CLOCK: variants seen among roughly 807,000 people sequenced by gnomAD.
The protein encoded by CLOCK is circadian locomoter output cycles protein kaput.
Under a neutral mutation model 118.4 loss-of-function variants are expected in CLOCK, and 43 were observed. The observed-to-expected ratio is 0.36, with a 90% CI of 0.28 to 0.47. CLOCK has a LOEUF of 0.47. Ranked by LOEUF, CLOCK falls within the 20% of genes least tolerant of loss-of-function variation. CLOCK has a pLI of 1.00. For missense variants in CLOCK, 846 were observed against 999.9 expected (o/e 0.85, Z 2.08); for synonymous variants, 326 against 339.2 (o/e 0.96, Z 0.43).
At chr4:55,485,927 T>C (rs1490473304) in intron 3 of CLOCK, among the ~76,000 whole-genome samples, 1 of 151,944 alleles carries the variant, frequency 6.6e-6, no homozygotes, top group Non-Finnish European at 1.5e-5. Context: ...AAAACAAAGT[T>C]CCCCAACTAT....
At chr4:55,494,865 T>A (rs1727954051) in intron 2 of CLOCK, among the ~76,000 whole-genome samples, 4 of 152,210 alleles carry the variant, frequency 2.6e-5, no homozygotes, top group Admixed American at 2.6e-4. Flanking sequence ...TGCAGCCCGC[T>A]GACACCTTGG....
intron 1 of CLOCK, among the ~76,000 whole-genome samples, chr4:55,515,660 G>A (rs1440082419): frequency 6.6e-6 from 1 of 152,198 alleles, no homozygotes; most frequent in African/African-American, 2.4e-5. Flanking sequence ...TGGGATTACA[G>A]GCGCGAGCCA....
At chr4:55,478,665 G>A (rs571378450) in intron 6 of CLOCK, 150 bp downstream of exon 6, 39 of 733,868 alleles carry the variant, frequency 5.3e-5, no homozygotes, top group Admixed American at 4.4e-4. Flanking sequence ...TTTGTTGAAT[G>A]AAAGAATGAA....
At chr4:55,515,089 TA>T (rs1242376923) in intron 1 of CLOCK, among the ~76,000 whole-genome samples, 1 of 152,234 alleles carries the variant, frequency 6.6e-6, no homozygotes, top group Admixed American at 6.5e-5. Flanking sequence ...TCAGATTGTC[TA>T]CTTCTTGTAT....
intron 2 of CLOCK, among the ~76,000 whole-genome samples, chr4:55,494,446 G>T (rs779868135): frequency 2.0e-5 from 3 of 152,134 alleles, no homozygotes; most frequent in Non-Finnish European, 4.4e-5. Flanking sequence ...AAATAATCAC[G>T]TGAGTTCTTA....
chr4:55,500,599 C>A (rs547277571), intron 2 of CLOCK, among the ~76,000 whole-genome samples: 2 of 152,150 alleles, frequency 1.3e-5, no homozygotes, highest in Non-Finnish European at 1.5e-5. Flanking sequence ...AATCCTCCTG[C>A]CGTGACCTCC....
intron 2 of CLOCK, among the ~76,000 whole-genome samples, chr4:55,503,156 A>T (rs1181665656): frequency 6.6e-6 from 1 of 152,242 alleles, no homozygotes; most frequent in Non-Finnish European, 1.5e-5. Context: ...GTGTCTACTC[A>T]ACAGAAATGT....
At chr4:55,515,308 A>C (rs770832758) in intron 1 of CLOCK, among the ~76,000 whole-genome samples, 2 of 152,066 alleles carry the variant, frequency 1.3e-5, no homozygotes, top group Non-Finnish European at 2.9e-5. Flanking sequence ...AATTTTATTA[A>C]TCTCTTCAAA....
chr4:55,516,424 T>A (rs1729518994), intron 1 of CLOCK, among the ~76,000 whole-genome samples: 1 of 152,236 alleles, frequency 6.6e-6, no homozygotes, highest in African/African-American at 2.4e-5. Context: ...CTTGGAGAAC[T>A]GACCCATTTA....
chr4:55,532,704 G>A (rs984088247), intron 1 of CLOCK, among the ~76,000 whole-genome samples: 7 of 151,938 alleles, frequency 4.6e-5, no homozygotes, highest in African/African-American at 9.7e-5. Context: ...AAAATTAGCC[G>A]AGCGTGGAAG....
At chr4:55,443,501 C>G (rs1723541083) in intron 20 of CLOCK, among the ~76,000 whole-genome samples, 186 bp downstream of exon 20, 1 of 150,878 alleles carries the variant, frequency 6.6e-6, no homozygotes, top group Non-Finnish European at 1.5e-5. Flanking sequence ...AAAAAAAAAG[C>G]TGAAAATATT....
intron 2 of CLOCK, among the ~76,000 whole-genome samples, chr4:55,502,065 T>C (rs1728483220): frequency 6.6e-6 from 1 of 152,184 alleles, no homozygotes; most frequent in Admixed American, 6.5e-5. Flanking sequence ...TGAGAGAAAT[T>C]ATAAAAGTCT....
Position 55,438,388 on chromosome 4 carries a change from G to T in CLOCK, c.2255C>A (p.Ser752Ter), listed in dbSNP as rs1354081098. Residue 752 changes from serine to a stop codon, truncating the protein, a stop_gained, in exon 22 of 23, where the codon TCA (serine) becomes TAA (stop). Transcript: ENST00000513440. LOFTEE classifies it high-confidence loss of function. ...ATQQQQSQTL[S>*]VTQQQQQQSS... is the part of the protein sequence containing the mutation. ...CTGCTGCTGCTGCTGCTGCGTTACTGACAATGTCTGTGACTGTTGCTGTTG... is the reference window on the plus strand; with the variant it reads ...CTGCTGCTGCTGCTGCTGCGTTACTTACAATGTCTGTGACTGTTGCTGTTG... 1 of 1,613,882 alleles carries T rather than the reference G, an allele frequency of 6.2e-7. No homozygotes were observed. The highest frequency in any genetic ancestry group is 8.5e-7 in the Non-Finnish European group (1 of 1,179,966).
At position 55,442,424 on chromosome 4, in the gene CLOCK, A is replaced by G; in HGVS notation, c.2105+8T>C. 1 of 1,604,398 alleles carries G rather than the reference A, an allele frequency of 6.2e-7. No individual in the cohort carries two copies. Among genetic ancestry groups the G allele is most frequent in the Non-Finnish European group, 8.5e-7 (1 of 1,172,820 alleles). On this transcript the variant is annotated splice_region_variant and intron_variant, in intron 21 of 22. Coordinates refer to ENST00000513440, the MANE Select transcript of CLOCK (RefSeq NM_004898.4). ...TTTTAAAAATAACAAATGAAATATG[A>G]CAACTACCTTATCTGCCTGTCCTGA...
intron 2 of CLOCK, among the ~76,000 whole-genome samples, chr4:55,505,530 G>A (rs1728744774): frequency 6.6e-6 from 1 of 151,834 alleles, no homozygotes; most frequent in South Asian, 2.1e-4. Flanking sequence ...TGGGTGTTGT[G>A]GCACGTGCCT....
chr4:55,483,360 G>A (rs558043005), intron 3 of CLOCK, among the ~76,000 whole-genome samples: 126 of 152,314 alleles, frequency 8.3e-4, no homozygotes, highest in African/African-American at 2.9e-3. Context: ...ATGTCTACCC[G>A]TGGGAATTAG....
intron 9 of CLOCK, among the ~76,000 whole-genome samples, chr4:55,460,540 G>C (rs4580704): frequency 0.69 from 104,752 of 152,108 alleles, 36,341 homozygotes; most frequent in South Asian, 0.81. Flanking sequence ...AATCTGTCAT[G>C]AAGACCTGCT....
intron 2 of CLOCK, among the ~76,000 whole-genome samples, chr4:55,502,733 G>C (rs1221097775): frequency 6.6e-6 from 1 of 152,140 alleles, no homozygotes; most frequent in Non-Finnish European, 1.5e-5. Context: ...CTAGAGTGAA[G>C]AAGCAAGCCA....
Position 55,435,044 on chromosome 4 carries a change from C to T in CLOCK, c.*371G>A, listed in dbSNP as rs1404954519. 15 of 321,640 alleles carry T rather than the reference C, an allele frequency of 4.7e-5. No homozygotes were observed. The highest frequency in any genetic ancestry group is 4.4e-4 in the Admixed American group (10 of 22,934). 19.9% of individuals were successfully genotyped at this position (321,640 alleles called of 1,614,324 possible). ...TGGCAGTGGTATGTCCTCTGTAACA[C>T]TTGATAAGAGGCACAGAACCACTAA... On this transcript the variant is annotated 3_prime_UTR_variant, in exon 23 of 23. Coordinates refer to ENST00000513440, the MANE Select transcript of CLOCK (RefSeq NM_004898.4).
Sources: allele counts gnomAD v4.1 joint callset (sites outside exome capture counted in the v4.1 genomes callset), GRCh38; gene constraint gnomAD v4.1.1; transcripts MANE v1.5; gene names NCBI Gene and HGNC (gene_info 2026-07-23, HGNC 2026-07-21).